Variants in GPD2 observed in about 807,000 individuals in gnomAD.
The protein encoded by GPD2 is glycerol-3-phosphate dehydrogenase 2, also known as glycerol-3-phosphate dehydrogenase, mitochondrial.
GPD2 carries 54 observed loss-of-function variants against 82.4 expected under a neutral mutation model. The observed-to-expected ratio is 0.66, with a 90% CI of 0.53 to 0.82. GPD2 has a LOEUF of 0.82. GPD2 is among the 40% of genes least tolerant of loss of function. The pLI is 0.00. For missense variants in GPD2, 748 were observed against 896.2 expected, an observed-to-expected ratio of 0.83 and a Z score of 2.11; for synonymous variants, 288 against 306.1, an observed-to-expected ratio of 0.94 and a Z score of 0.62.
At chr2:156,462,238 A>G (rs1683012034) in intron 1 of GPD2, among the ~76,000 whole-genome samples, 1 of 152,110 alleles carries the variant, frequency 6.6e-6, no homozygotes, top group African/African-American at 2.4e-5. Context: ...TTCTTTTTCT[A>G]AGGCCTGGAC....
chr2:156,490,398 A>C (rs1311304693), intron 2 of GPD2, among the ~76,000 whole-genome samples: 4 of 151,862 alleles, frequency 2.6e-5, no homozygotes, highest in South Asian at 2.1e-4. Context: ...AAAAAAAAAA[A>C]AAACAAAAAT....
chr2:156,469,367 G>A (rs1175061811), intron 1 of GPD2, among the ~76,000 whole-genome samples: 1 of 152,178 alleles, frequency 6.6e-6, no homozygotes, highest in African/African-American at 2.4e-5. Context: ...GTTTCACCAT[G>A]TTGGCCAGGC....
chr2:156,571,185 C>T lies in GPD2; in HGVS notation c.1660C>T (p.Arg554Cys), dbSNP rs746390648. The change falls in exon 13 of 17, where the codon CGT becomes TGT. Residue 554 changes from arginine to cysteine, a missense_variant. Arg to Cys is a radical substitution (Grantham distance 180). Around this residue, in one of 3 missense-constraint regions of GPD2, gnomAD observed 692 missense variants for 809.7 expected, o/e 0.85. Transcript: ENST00000438166. ...CTGCACTGCTGTGGATATGATTTCA[C>T]GTCGTACTCGCCTGGCCTTTCTAAA... ...YACTAVDMIS[R>C]RTRLAFLNVQ... 12 of 1,610,544 alleles carry T rather than the reference C, an allele frequency of 7.5e-6. No individual in the cohort carries two copies. In the African/African-American group the frequency reaches 8.0e-5, roughly 11 times the overall value.
chr2:156,408,492 G>A, the GPD2 span, among the ~76,000 whole-genome samples: 4 of 151,980 alleles, frequency 2.6e-5, no homozygotes, highest in South Asian at 2.1e-4. Context: ...TTGGGAGACC[G>A]ACCTGGATGC....
At chr2:156,551,391 T>G (rs1181182202) in intron 8 of GPD2, among the ~76,000 whole-genome samples, 1 of 152,132 alleles carries the variant, frequency 6.6e-6, no homozygotes, top group African/African-American at 2.4e-5. Context: ...AAATTTTTAA[T>G]AAATTACAAA....
intron 6 of GPD2, among the ~76,000 whole-genome samples, chr2:156,530,767 C>G (rs1685823852): frequency 6.6e-6 from 1 of 152,174 alleles, no homozygotes; most frequent in Non-Finnish European, 1.5e-5. Context: ...AGCCTTGCAT[C>G]CCAGGGATGA....
the GPD2 span, among the ~76,000 whole-genome samples, chr2:156,406,899 T>C: frequency 6.6e-6 from 1 of 152,120 alleles, no homozygotes; most frequent in African/African-American, 2.4e-5. Context: ...ATTCAAAAGG[T>C]ATGAGAGAGT....
the GPD2 span, among the ~76,000 whole-genome samples, chr2:156,415,781 G>C: frequency 1.3e-5 from 2 of 152,134 alleles, no homozygotes; most frequent in Non-Finnish European, 2.9e-5. Flanking sequence ...CTTGAACTCA[G>C]GAGATGGAAG....
intron 4 of GPD2, 98 bp from the exon 5 acceptor site, chr2:156,512,122 G>A (rs1174521059): frequency 6.6e-6 from 5 of 757,052 alleles, no homozygotes; most frequent in Non-Finnish European, 9.8e-6. Flanking sequence ...GAGATAGAAG[G>A]TTTCTGTGTA....
At chr2:156,445,873 T>G (rs1682351999) in intron 1 of GPD2, among the ~76,000 whole-genome samples, 1 of 152,206 alleles carries the variant, frequency 6.6e-6, no homozygotes, top group South Asian at 2.1e-4. Flanking sequence ...TAGGGTAGGC[T>G]CAACCATCAT....
At chr2:156,580,561 G>A (rs1423196708) in intron 16 of GPD2, among the ~76,000 whole-genome samples, 1 of 152,080 alleles carries the variant, frequency 6.6e-6, no homozygotes. Flanking sequence ...GTGCTTCTTG[G>A]GCAGGTATTT....
the GPD2 span, among the ~76,000 whole-genome samples, chr2:156,424,964 A>T: frequency 6.6e-6 from 1 of 152,350 alleles, no homozygotes; most frequent in African/African-American, 2.4e-5. Context: ...ATTTATTAAG[A>T]ATAGTTTCCT....
At chr2:156,560,898 A>G (rs1023155413) in intron 9 of GPD2, among the ~76,000 whole-genome samples, 4 of 152,106 alleles carry the variant, frequency 2.6e-5, no homozygotes, top group Admixed American at 2.0e-4. Flanking sequence ...AAAACTTCCT[A>G]TTATTGAGCA....
chr2:156,516,429 CTTTTAA>C (rs1367510888), intron 6 of GPD2, among the ~76,000 whole-genome samples: 1 of 152,100 alleles, frequency 6.6e-6, no homozygotes, highest in African/African-American at 2.4e-5. Flanking sequence ...ATCAAATGAA[CTTTTAA>C]TTTTAATTAA....
rs1399616928 is a variant in GPD2 at position 156,439,519 on chromosome 2, AAAAAAAAAAAAAAAAAAAAAC to A, written c.-9+3020_-9+3040del. On this transcript the variant is annotated intron_variant, in intron 1 of 16. Transcript: ENST00000438166. Reference sequence around the variant, plus strand: ...ATTGCTTGAGACTGTCTCAGAAAAAAAAAAAAAAAAAAAAAAAAAACAAAAAAAAAAAAACAAGCCAGGCAG... The same window carrying A: ...ATTGCTTGAGACTGTCTCAGAAAAAAAAAAAAAAAAAAACAAGCCAGGCAG... 2.7e-3 allele frequency among the ~76,000 whole-genome samples: 207 copies of A among 77,688 alleles called. 3 individuals are homozygous for A. The highest frequency in any genetic ancestry group is 7.3e-3 in the African/African-American group (161 of 22,146). 51.0% of individuals were successfully genotyped at this position (77,688 alleles called of 152,430 possible).
Position 156,583,492 on chromosome 2 carries a change from A to T in GPD2, c.*574A>T, listed in dbSNP as rs548070368. The stretch of plus-strand genomic sequence containing the variant: ...TGCAAACAATATTCCACATTTTTAT[A>T]TCTAGAGCATGACTGGCTAACTGGA... On this transcript the variant is annotated 3_prime_UTR_variant, in exon 17 of 17. Transcript: ENST00000438166. 6.1e-6 allele frequency: 1 copy of T among 164,006 alleles called. No individual in the cohort carries two copies. 10.2% of individuals were successfully genotyped at this position (164,006 alleles called of 1,614,324 possible).
At chr2:156,544,074 T>C (rs1197083814) in intron 6 of GPD2, among the ~76,000 whole-genome samples, 1 of 152,000 alleles carries the variant, frequency 6.6e-6, no homozygotes, top group Non-Finnish European at 1.5e-5. Context: ...ATAATTAGGG[T>C]TTATTGTACA....
intron 2 of GPD2, among the ~76,000 whole-genome samples, chr2:156,483,005 C>T (rs1683790357): frequency 6.6e-6 from 1 of 152,036 alleles, no homozygotes; most frequent in East Asian, 1.9e-4. Context: ...ATCTCTCCCT[C>T]TCCATACCTT....
rs542296849 is a variant in GPD2 at position 156,455,467 on chromosome 2, T to A, written c.-9+18954T>A. Among the ~76,000 whole-genome samples, 3 of 152,350 alleles carry A rather than the reference T, an allele frequency of 2.0e-5. No homozygotes were observed. In the South Asian group the frequency reaches 6.2e-4, roughly 32 times the overall value. On this transcript the variant is annotated intron_variant, in intron 1 of 16. Coordinates refer to ENST00000438166, the MANE Select transcript of GPD2 (RefSeq NM_000408.5). ...AAAGTCCAAATTCCTTTGACTCGTA[T>A]ATAAGATTTCCAGTGATTCTTCTGC...
Sources: gnomAD v4.1 joint callset for allele counts (sites outside exome capture counted in the v4.1 genomes callset) on GRCh38, gnomAD v4.1.1 for gene constraint, gnomAD v4.1.1 regional missense constraint, MANE v1.5 for transcripts, NCBI Gene and HGNC (gene_info 2026-07-23, HGNC 2026-07-21) for gene names.